Variants in AIFM3 observed in about 807,000 individuals in gnomAD.
AIFM3 encodes apoptosis-inducing factor 3.
Under a neutral mutation model 82.7 loss-of-function variants are expected in AIFM3, and 71 were observed. The ratio of observed to expected loss-of-function variants is 0.86; its 90% CI spans 0.71 to 1.05. The LOEUF (loss-of-function observed/expected upper bound fraction) is 1.05, where lower values mean the gene tolerates loss of function less well. Among genes scored for constraint, AIFM3 ranks in the 50% least tolerant of loss-of-function variants. The pLI, the probability that AIFM3 is intolerant of heterozygous loss-of-function variation, is 0.00. For synonymous variants in AIFM3, 337 were observed against 329.1 expected, an observed-to-expected ratio of 1.02 and a Z score of -0.26; for missense variants, 748 against 816.7, an observed-to-expected ratio of 0.92 and a Z score of 1.03.
intron 7 of AIFM3, 38 bp from the exon 8 acceptor site, chr22:20,974,666 T>C: frequency 6.2e-7 from 1 of 1,613,472 alleles, no homozygotes; most frequent in Admixed American, 1.7e-5. Flanking sequence ...ATGGGATTGG[T>C]GAGAAGTGGT....
At chr22:20,968,815 AGCCAGCTCACCC>A (rs1426993843) in intron 2 of AIFM3, among the ~76,000 whole-genome samples, 6 of 151,966 alleles carry the variant, frequency 3.9e-5, no homozygotes, top group Admixed American at 2.0e-4. Flanking sequence ...AGCTCACCCC[AGCCAGCTCACCC>A]CAGCCAGCTC....
chr22:20,975,910 A>G, intron 9 of AIFM3, 132 bp downstream of exon 9: 1 of 1,005,506 alleles, frequency 9.9e-7, no homozygotes, highest in Non-Finnish European at 1.5e-6. Context: ...GAGGTGCTCC[A>G]GGCTTGGGAG....
chr22:20,975,600 G>A (rs1368379281), intron 8 of AIFM3, 92 bp from the exon 9 acceptor site: 7 of 1,247,632 alleles, frequency 5.6e-6, no homozygotes, highest in East Asian at 4.6e-5. Flanking sequence ...CTGTCCTGCA[G>A]CCCCTATGTG....
intron 2 of AIFM3, among the ~76,000 whole-genome samples, chr22:20,968,591 T>A (rs927217590): frequency 3.9e-5 from 6 of 152,140 alleles, no homozygotes; most frequent in Non-Finnish European, 8.8e-5. Context: ...GGGAGTGTCC[T>A]GGGGTGCTAG....
At chr22:20,965,864 C>T (rs1244311960), upstream of AIFM3, among the ~76,000 whole-genome samples, 1 of 152,084 alleles carries the variant, frequency 6.6e-6, no homozygotes, top group Non-Finnish European at 1.5e-5. Context: ...TCCTGGGGTC[C>T]CTGGGACAGA....
intron 2 of AIFM3, among the ~76,000 whole-genome samples, chr22:20,971,876 G>T (rs543981566): frequency 6.6e-6 from 1 of 151,864 alleles, no homozygotes; most frequent in Non-Finnish European, 1.5e-5. Context: ...ATGTGCAAAA[G>T]TATAAAGAAG....
rs1923721860 is a variant in AIFM3, at chr22:20,976,941, G to A, written c.1218+3G>A. Reference sequence around the variant, plus strand: ...AGCTGCGGGGCCAGGAGGGAAAGGTGGGCCCTTCTCCCTTCTCCCTGCTGC... The same window carrying A: ...AGCTGCGGGGCCAGGAGGGAAAGGTAGGCCCTTCTCCCTTCTCCCTGCTGC... On this transcript the variant is annotated splice_donor_region_variant and intron_variant, in intron 13 of 20. Coordinates refer to ENST00000440238, the MANE Select transcript of AIFM3 (RefSeq NM_001386814.1). The A allele has an allele frequency of 3.1e-6, 5 of 1,612,294 alleles. No individual in the cohort carries two copies. The East Asian group carries it at 8.9e-5, about 29-fold the overall frequency.
intron 19 of AIFM3, chr22:20,980,490 G>A: frequency 1.7e-6 from 1 of 604,032 alleles, no homozygotes; most frequent in Non-Finnish European, 3.0e-6. Context: ...CCCTGGGTAT[G>A]CCCTCCACAT....
chr22:20,975,391 G>C (rs555388139), intron 8 of AIFM3, among the ~76,000 whole-genome samples: 3 of 149,434 alleles, frequency 2.0e-5, no homozygotes, highest in African/African-American at 5.0e-5. Context: ...TCTGCCTCCC[G>C]GGTAGCTAGG....
At chr22:20,966,227 G>A (rs1009493895), upstream of AIFM3, among the ~76,000 whole-genome samples, 3 of 152,196 alleles carry the variant, frequency 2.0e-5, no homozygotes, top group Admixed American at 1.3e-4. Context: ...CCTGAGGTCA[G>A]CCAGGAAGGA....
intron 2 of AIFM3, among the ~76,000 whole-genome samples, chr22:20,969,892 G>C (rs940544514): frequency 1.3e-5 from 2 of 151,974 alleles, no homozygotes; most frequent in Admixed American, 1.3e-4. Flanking sequence ...AAAGAGACTA[G>C]ATCAAGCAGA....
In AIFM3 at chr22:20,976,740, G is replaced by T. The variant is rs779222361; in HGVS notation, c.1120G>T (p.Glu374Ter). Residue 374 changes from glutamate (E) to a stop codon, truncating the protein, a stop_gained, in exon 12 of 21, where the codon GAG (glutamate) becomes TAG (stop). Transcript: ENST00000440238. LOFTEE classifies it high-confidence loss of function. ...GACGCCCTTCAGGAGGTTCCTGGGG[G>T]AGCGCGTGGGTCGTGCCCTCATGAA... Reference protein sequence around the residue: ...EETPFRRFLGERVGRALMKMF... With the variant: ...EETPFRRFLG The T allele has an allele frequency of 1.9e-6, 3 of 1,610,448 alleles. No individual in the cohort carries two copies. Among genetic ancestry groups the T allele is most frequent in the Non-Finnish European group, 2.5e-6 (3 of 1,178,352 alleles).
At chr22:20,972,337 A>G (rs926453067) in intron 2 of AIFM3, among the ~76,000 whole-genome samples, 6 of 151,672 alleles carry the variant, frequency 4.0e-5, no homozygotes, top group Non-Finnish European at 7.4e-5. Context: ...GGGAGGGGGA[A>G]GTTGCAGTGA....
chr22:20,968,083 G>A, intron 2 of AIFM3, 108 bp downstream of exon 2: 1 of 1,167,100 alleles, frequency 8.6e-7, no homozygotes, highest in South Asian at 1.5e-5. Context: ...AAGTAGGTCA[G>A]GCTATCCAAG....
intron 16 of AIFM3, among the ~76,000 whole-genome samples, chr22:20,978,855 G>C (rs1569150682): frequency 6.6e-6 from 1 of 152,038 alleles, no homozygotes; most frequent in Non-Finnish European, 1.5e-5. Flanking sequence ...GAACTGGGGA[G>C]CCATCCACAC....
rs753298024 is a variant in AIFM3, at chr22:20,980,945, G to A, written c.1779-47G>A. ...AGCTGTTCAGGGTGCCCAGAGTGGAGAGCCTGTTTTCTTCTGTCTTGACCC... is the reference window on the plus strand; with the variant it reads ...AGCTGTTCAGGGTGCCCAGAGTGGAAAGCCTGTTTTCTTCTGTCTTGACCC... On this transcript the variant is annotated intron_variant, in intron 20 of 20. Transcript: ENST00000440238. The A allele has an allele frequency of 3.0e-5, 49 of 1,613,842 alleles. No homozygotes were observed. In the South Asian group the frequency reaches 4.8e-4, roughly 16 times the overall value.
chr22:20,972,707 G>A (rs1301339734), intron 2 of AIFM3, among the ~76,000 whole-genome samples: 1 of 152,164 alleles, frequency 6.6e-6, no homozygotes, highest in Non-Finnish European at 1.5e-5. Flanking sequence ...GAGAACTGCA[G>A]GGTCGAAGGA....
intron 20 of AIFM3, 22 bp from the exon 21 acceptor site, chr22:20,980,970 C>A (rs178278): frequency 0.41 from 654,936 of 1,613,262 alleles, 136,741 homozygotes; most frequent in East Asian, 0.57. Flanking sequence ...TGTCTTGACC[C>A]CTCCTCCCCT....
chr22:20,978,767 T>C (rs1339914221), intron 16 of AIFM3, among the ~76,000 whole-genome samples: 1 of 152,028 alleles, frequency 6.6e-6, no homozygotes, highest in Non-Finnish European at 1.5e-5. Flanking sequence ...ATCAGCCAAG[T>C]ATAATTAGGA....
Sources: allele counts gnomAD v4.1 joint callset (sites outside exome capture counted in the v4.1 genomes callset), GRCh38; gene constraint gnomAD v4.1.1; transcripts MANE v1.5; gene names NCBI Gene and HGNC (gene_info 2026-07-23, HGNC 2026-07-21).